Variants in RPL32 observed in about 807,000 individuals in gnomAD.
RPL32 encodes the protein ribosomal protein L32.
For missense variants in RPL32, 117 were observed against 173.7 expected (o/e 0.67, Z 1.83); for synonymous variants, 61 against 62.6 (o/e 0.98, Z 0.12).
chr3:12,836,777 C>T (rs1241406819), intron 3 of RPL32, among the ~76,000 whole-genome samples: 1 of 152,244 alleles, frequency 6.6e-6, no homozygotes, highest in Non-Finnish European at 1.5e-5. Context: ...ACTCATTCCT[C>T]ACAACTTTTT....
intron 3 of RPL32, 112 bp downstream of exon 3, chr3:12,839,237 T>C (rs2062125427): frequency 5.4e-6 from 5 of 934,562 alleles, no homozygotes; most frequent in Middle Eastern, 4.3e-4. Context: ...TCAGAGAATG[T>C]ACAACACCCC....
At chr3:12,836,903 A>G (rs1214407897) in intron 3 of RPL32, among the ~76,000 whole-genome samples, 1 of 152,220 alleles carries the variant, frequency 6.6e-6, no homozygotes, top group Non-Finnish European at 1.5e-5. Context: ...TTCCACCCCT[A>G]AAGCATTTTC....
rs371265236 is a variant in RPL32, at chr3:12,840,272, G to C, written c.-5-30C>G. On this transcript the variant is annotated intron_variant, in intron 1 of 3. Transcript: ENST00000429711. ...TGGGGAAGAAGCGGCCCCAGGTGAG[G>C]AAGAATCCTGGAAGGAGGCTTTCCT... The C allele has an allele frequency of 3.7e-5, 55 of 1,502,700 alleles. No individual in the cohort carries two copies. The African/African-American group carries it at 5.9e-4, about 16-fold the overall frequency. 93.1% of individuals were successfully genotyped at this position (1,502,700 alleles called of 1,614,324 possible).
In RPL32 at chr3:12,834,796, CT is replaced by C. The variant is rs1575787042; in HGVS notation, c.*1297del. 6.6e-6 allele frequency: 1 copy of C among 152,246 alleles called. No individual in the cohort carries two copies. The highest frequency in any genetic ancestry group is 1.9e-4 in the East Asian group (1 of 5,186). The allele number at this position is 152,246 out of a possible 1,614,324, so 9.4% of individuals were successfully genotyped here. A position where few individuals can be genotyped will look rare whatever the true frequency, so the allele number is the denominator to read the frequency against. ...ATCCCAGGTTAATAAAGATTAGATT[CT>C]AAGTTACTTCTTTCCTCTGCACGAC... On this transcript the variant is annotated 3_prime_UTR_variant, in exon 4 of 4. Coordinates refer to ENST00000429711, the MANE Select transcript of RPL32 (RefSeq NM_000994.4).
chr3:12,836,250 G>T, intron 3 of RPL32, 27 bp from the exon 4 acceptor site: 1 of 1,599,304 alleles, frequency 6.3e-7, no homozygotes, highest in Non-Finnish European at 8.5e-7. Context: ...TAGGTAAGGA[G>T]CAAGACAGCC....
At chr3:12,838,034 G>C (rs1028244301) in intron 3 of RPL32, among the ~76,000 whole-genome samples, 19 of 152,270 alleles carry the variant, frequency 1.2e-4, no homozygotes, top group African/African-American at 4.6e-4. Flanking sequence ...CCTTGAGTTT[G>C]GGGCTGCGGT....
intron 3 of RPL32, among the ~76,000 whole-genome samples, chr3:12,837,270 C>G (rs760095215): frequency 7.9e-5 from 12 of 152,038 alleles, no homozygotes; most frequent in Non-Finnish European, 1.8e-4. Flanking sequence ...ACATTTTATC[C>G]AGCACTCTAC....
chr3:12,836,375 TATG>T (rs2062100224), intron 3 of RPL32, 152 bp from the exon 4 acceptor site: 1 of 863,908 alleles, frequency 1.2e-6, no homozygotes, highest in Admixed American at 2.4e-5. Flanking sequence ...AAATCCTGAC[TATG>T]GTTCCCTGGT....
At position 12,839,450 on chromosome 3, in the gene RPL32, A is replaced by T. The variant is rs1425989472; in HGVS notation, c.177T>A (p.Gly59=). The change falls in exon 3 of 4, where the codon GGT becomes GGA. Residue 59 remains glycine (G), a synonymous_variant. Transcript: ENST00000429711. ...FKGQILMPNI[G]YGSNKKTKHM... ...GCTTTGTTTTTTTGTTGCTTCCATA[A>T]CCAATGTTGGGCATCAAGATCTGGC... 6.2e-7 allele frequency: 1 copy of T among 1,614,146 alleles called. No homozygotes were observed. The highest frequency in any genetic ancestry group is 1.7e-5 in the Admixed American group (1 of 60,016).
Position 12,836,052 on chromosome 3 carries a change from G to A in RPL32, c.*42C>T. On this transcript the variant is annotated 3_prime_UTR_variant, in exon 4 of 4. Coordinates refer to ENST00000429711, the MANE Select transcript of RPL32 (RefSeq NM_000994.4). ...CAAGGAAGGAAGATGCCAGATGGCAGTTTTTACATTTATTTAAACAGAAAA... is the reference window on the plus strand; with the variant it reads ...CAAGGAAGGAAGATGCCAGATGGCAATTTTTACATTTATTTAAACAGAAAA... The A allele has an allele frequency of 1.9e-6, 3 of 1,603,346 alleles. No individual in the cohort carries two copies. Among genetic ancestry groups the A allele is most frequent in the East Asian group, 4.5e-5 (2 of 44,808 alleles).
rs1357533446 is a variant in RPL32, at chr3:12,835,917, A to G, written c.*177T>C. 8 of 699,370 alleles carry G rather than the reference A, an allele frequency of 1.1e-5. No individual in the cohort carries two copies. The Admixed American group carries it at 2.2e-4, about 19-fold the overall frequency. The allele number at this position is 699,370 out of a possible 1,614,324, so 43.3% of individuals were successfully genotyped here. On this transcript the variant is annotated 3_prime_UTR_variant, in exon 4 of 4. Transcript: ENST00000429711. ...TGAGGCCACATTCCCCTGTTCAAGG[A>G]CTGAGTGTCCTTTACAAATCCCCTC... is the stretch of plus-strand genomic sequence containing the variant.
At chr3:12,838,747 T>C (rs2124884121) in intron 3 of RPL32, among the ~76,000 whole-genome samples, 1 of 152,322 alleles carries the variant, frequency 6.6e-6, no homozygotes, top group Non-Finnish European at 1.5e-5. Flanking sequence ...CATTCCTTTC[T>C]AGTGATAACC....
At chr3:12,840,358 G>C in intron 1 of RPL32, 116 bp from the exon 2 acceptor site, 1 of 811,294 alleles carries the variant, frequency 1.2e-6, no homozygotes, top group Non-Finnish European at 2.2e-6. Flanking sequence ...AGCAAGCTGG[G>C]AATGGAATGG....
At chr3:12,836,648 T>C (rs1041100808) in intron 3 of RPL32, among the ~76,000 whole-genome samples, 1 of 152,188 alleles carries the variant, frequency 6.6e-6, no homozygotes, top group Non-Finnish European at 1.5e-5. Flanking sequence ...AGAGTCTGAA[T>C]GGAGCCAAGA....
intron 3 of RPL32, chr3:12,839,070 G>A: frequency 1.9e-6 from 1 of 517,540 alleles, no homozygotes. Context: ...TTGTAGTAGT[G>A]GAAAGTGGCT....
chr3:12,838,341 G>T (rs1275786931), intron 3 of RPL32, among the ~76,000 whole-genome samples: 2 of 152,234 alleles, frequency 1.3e-5, no homozygotes, highest in African/African-American at 2.4e-5. Flanking sequence ...GGGCGGTGGA[G>T]GTTGCAGTGA....
At chr3:12,840,525 T>C in intron 1 of RPL32, 1 of 560,202 alleles carries the variant, frequency 1.8e-6, no homozygotes, top group Non-Finnish European at 3.5e-6. Flanking sequence ...CAAGACACTC[T>C]CAATTTGCAA....
At chr3:12,839,698 C>T in intron 2 of RPL32, 168 bp from the exon 3 acceptor site, 1 of 722,470 alleles carries the variant, frequency 1.4e-6, no homozygotes, top group Non-Finnish European at 2.3e-6. Flanking sequence ...AAACCAGGAG[C>T]TCGTGGCTTT....
chr3:12,837,983 A>G (rs965574201), intron 3 of RPL32, among the ~76,000 whole-genome samples: 1 of 152,206 alleles, frequency 6.6e-6, no homozygotes, highest in African/African-American at 2.4e-5. Context: ...CTGTGGTCCT[A>G]GCTACCAGGA....
Sources: allele counts gnomAD v4.1 joint callset (sites outside exome capture counted in the v4.1 genomes callset), GRCh38; gene constraint gnomAD v4.1.1; transcripts MANE v1.5; gene names NCBI Gene and HGNC (gene_info 2026-07-23, HGNC 2026-07-21).